PARG: variants seen among roughly 807,000 people sequenced by gnomAD.
PARG encodes poly(ADP-ribose) glycohydrolase.
PARG carries 35 observed loss-of-function variants against 113.0 expected under a neutral mutation model. The observed-to-expected ratio is 0.31, with a 90% CI of 0.24 to 0.41. PARG has a LOEUF of 0.41. Ranked by LOEUF, PARG falls within the 10% of genes least tolerant of loss-of-function variation. PARG has a pLI of 1.00. For missense variants in PARG, 797 were observed against 1,169.4 expected (o/e 0.68, Z 4.64); for synonymous variants, 330 against 409.9 (o/e 0.81, Z 2.36).
chr10:49,928,980 G>A (rs200759470), intron 4 of PARG, among the ~76,000 whole-genome samples: 65 of 152,274 alleles, frequency 4.3e-4, no homozygotes, highest in East Asian at 3.7e-3. Flanking sequence ...ACTGACAGAC[G>A]GGTTTTCTGA....
rs1362846259 is a variant in PARG, at chr10:49,866,721, G to A, written c.2069-1340C>T. Among the ~76,000 whole-genome samples, 15 of 152,132 alleles carry A rather than the reference G, an allele frequency of 9.9e-5. 1 individual carries two copies. The highest frequency in any genetic ancestry group is 2.4e-5 in the African/African-American group (1 of 41,410). On this transcript the variant is annotated intron_variant, in intron 10 of 17. Transcript: ENST00000616448. The stretch of plus-strand genomic sequence containing the variant: ...ATTAACAAAAATGCCTTGAGAGCAC[G>A]TCTGTTAGCATTTTTTCGTAACAAG...
At chr10:49,927,361 GGAAAGAAGGAAAGAAAGAAA>G (rs1564664776) in intron 4 of PARG, among the ~76,000 whole-genome samples, 1 of 92,280 alleles carries the variant, frequency 1.1e-5, no homozygotes, top group African/African-American at 5.7e-5. Context: ...AAAGAAAGAA[GGAAAGAAGGAAAGAAAGAAA>G]GAAAGAAAGA....
chr10:49,882,878 T>A (rs1181465058), intron 8 of PARG, among the ~76,000 whole-genome samples: 1 of 142,194 alleles, frequency 7.0e-6, no homozygotes, highest in Middle Eastern at 3.4e-3. Flanking sequence ...GGGATGAACC[T>A]TGCCTGGGAG....
chr10:49,840,745 T>G (rs1845189122), intron 15 of PARG, among the ~76,000 whole-genome samples: 1 of 152,224 alleles, frequency 6.6e-6, no homozygotes, highest in South Asian at 2.1e-4. Context: ...TCAAAATATC[T>G]ACTAAGTTGT....
At chr10:49,859,729 T>G (rs1202375088) in intron 12 of PARG, among the ~76,000 whole-genome samples, 1 of 152,190 alleles carries the variant, frequency 6.6e-6, no homozygotes, top group African/African-American at 2.4e-5. Context: ...ACTCTTTGAA[T>G]AAAAGGCCCA....
chr10:49,849,221 C>T (rs1554833762), intron 13 of PARG, among the ~76,000 whole-genome samples: 2 of 151,298 alleles, frequency 1.3e-5, no homozygotes, highest in African/African-American at 4.9e-5. Flanking sequence ...TCTCCCCAAA[C>T]AGATCTACAG....
chr10:49,845,125 G>A (rs572035936), intron 13 of PARG, among the ~76,000 whole-genome samples: 1 of 152,338 alleles, frequency 6.6e-6, no homozygotes, highest in African/African-American at 2.4e-5. Flanking sequence ...AAATGTTGAC[G>A]AGGATGGAAA....
At chr10:49,827,848 T>C (rs897500308) in intron 16 of PARG, among the ~76,000 whole-genome samples, 4 of 152,106 alleles carry the variant, frequency 2.6e-5, no homozygotes, top group Non-Finnish European at 5.9e-5. Flanking sequence ...TAATTGACTA[T>C]GTTAGGCCAT....
intron 7 of PARG, among the ~76,000 whole-genome samples, chr10:49,887,255 T>C (rs2377774): frequency 0.92 from 140,600 of 152,154 alleles, 65,726 homozygotes; most frequent in East Asian, 1. Context: ...CAGGACGTTA[T>C]AGTACAGTAT....
chr10:49,841,167 C>T lies in PARG; in HGVS notation c.2541+783G>A, dbSNP rs186961719. ...ACTTGGGAGGCTGAGGCAGGAGAAT[C>T]GCTTGAACCTGGGAGGCGGAGGTTG... On this transcript the variant is annotated intron_variant, in intron 15 of 17. Transcript: ENST00000616448. Among the ~76,000 whole-genome samples, 489 of 152,042 alleles carry T rather than the reference C, an allele frequency of 3.2e-3. 6 individuals carry two copies. Among genetic ancestry groups the T allele is most frequent in the African/African-American group, 0.011 (465 of 41,462 alleles).
chr10:49,821,820 T>G (rs1259294680), intron 16 of PARG, among the ~76,000 whole-genome samples: 1 of 152,042 alleles, frequency 6.6e-6, no homozygotes, highest in Non-Finnish European at 1.5e-5. Flanking sequence ...GAGCGTAATT[T>G]TAGTCCAAAT....
At chr10:49,820,482 G>A (rs1423371597) in intron 16 of PARG, among the ~76,000 whole-genome samples, 189 bp from the exon 17 acceptor site, 1 of 152,080 alleles carries the variant, frequency 6.6e-6, no homozygotes, top group Non-Finnish European at 1.5e-5. Flanking sequence ...AGCACTCTGG[G>A]AGGCTGAGGC....
chr10:49,904,344 G>A (rs1415451340), intron 7 of PARG, among the ~76,000 whole-genome samples: 1 of 150,526 alleles, frequency 6.6e-6, no homozygotes, highest in African/African-American at 2.4e-5. Flanking sequence ...CATATAACCT[G>A]CATTAAGTGG....
chr10:49,846,655 G>C (rs1554833381), intron 13 of PARG, among the ~76,000 whole-genome samples: 1 of 152,176 alleles, frequency 6.6e-6, no homozygotes, highest in African/African-American at 2.4e-5. Context: ...TTGGGGAAGA[G>C]AGTTCCAATT....
chr10:49,857,625 C>T (rs1554835313), intron 12 of PARG, among the ~76,000 whole-genome samples, 172 bp from the exon 13 acceptor site: 1 of 150,234 alleles, frequency 6.7e-6, no homozygotes, highest in African/African-American at 2.4e-5. Flanking sequence ...TTCCACCTCA[C>T]TGCAGTTAAC....
Position 49,941,837 on chromosome 10 carries a change from C to G in PARG, c.-112G>C, listed in dbSNP as rs1839102331. Reference sequence around the variant, plus strand: ...TCTCAGCGCCTGCCTGCACCATTCCCTCTCTGCCGCTGCCTGCTTCTGCAA... The same window carrying G: ...TCTCAGCGCCTGCCTGCACCATTCCGTCTCTGCCGCTGCCTGCTTCTGCAA... On this transcript the variant is annotated 5_prime_UTR_variant, in exon 1 of 18. Transcript: ENST00000616448. The G allele has an allele frequency of 5.9e-6, 9 of 1,526,734 alleles. No individual in the cohort carries two copies. The South Asian group carries it at 9.6e-5, about 16-fold the overall frequency. 94.6% of individuals were successfully genotyped at this position (1,526,734 alleles called of 1,614,324 possible).
intron 13 of PARG, among the ~76,000 whole-genome samples, chr10:49,846,606 G>A (rs568011324): frequency 5.3e-5 from 8 of 152,198 alleles, no homozygotes; most frequent in Admixed American, 3.9e-4. Flanking sequence ...TTAAACAAAC[G>A]AGAAAAATTG....
chr10:49,853,335 C>T (rs1420115995), intron 13 of PARG, among the ~76,000 whole-genome samples: 4 of 151,726 alleles, frequency 2.6e-5, no homozygotes, highest in African/African-American at 9.7e-5. Flanking sequence ...TGCACCCAGC[C>T]GGAATAACAA....
intron 16 of PARG, among the ~76,000 whole-genome samples, chr10:49,821,375 TAA>T (rs1407597547): frequency 1.1e-4 from 17 of 152,050 alleles, no homozygotes; most frequent in Non-Finnish European, 2.2e-4. Flanking sequence ...ATTAAAACAT[TAA>T]AGAGGATATA....
Sources: allele counts gnomAD v4.1 joint callset (sites outside exome capture counted in the v4.1 genomes callset), GRCh38; gene constraint gnomAD v4.1.1; transcripts MANE v1.5; gene names NCBI Gene and HGNC (gene_info 2026-07-23, HGNC 2026-07-21).